The following THADA variants were observed in gnomAD, a reference collection of about 807,000 sequenced individuals.
THADA encodes tRNA (32-2'-O)-methyltransferase regulator THADA.
A neutral mutation model predicts 219.8 loss-of-function variants in THADA; 213 were observed. The ratio of observed to expected loss-of-function variants is 0.97; its 90% CI spans 0.87 to 1.09. The LOEUF (loss-of-function observed/expected upper bound fraction) is 1.09. THADA is among the 50% of genes least tolerant of loss of function. The pLI, the probability that THADA is intolerant of heterozygous loss-of-function variation, is 0.00. For synonymous variants in THADA, 1,018 were observed against 828.9 expected (o/e 1.23, Z -3.92); for missense variants, 2,956 against 2,311.3 (o/e 1.28, Z -5.72).
chr2:43,311,564 T>A (rs1387668658), intron 31 of THADA, among the ~76,000 whole-genome samples: 1 of 152,150 alleles, frequency 6.6e-6, no homozygotes, highest in Non-Finnish European at 1.5e-5. Flanking sequence ...AACTTGCCCA[T>A]GAATGCTCAT....
intron 29 of THADA, among the ~76,000 whole-genome samples, chr2:43,362,662 G>A (rs1669668057): frequency 6.6e-6 from 1 of 151,986 alleles, no homozygotes; most frequent in African/African-American, 2.4e-5. Context: ...TACGAATACT[G>A]TATACTTAGG....
chr2:43,499,174 G>T (rs1168954356), intron 24 of THADA, among the ~76,000 whole-genome samples: 1 of 152,132 alleles, frequency 6.6e-6, no homozygotes, highest in Non-Finnish European at 1.5e-5. Context: ...AAAAAAGTTT[G>T]ATCCAATGGA....
chr2:43,538,148 T>C (rs919907899), intron 21 of THADA, among the ~76,000 whole-genome samples: 3 of 152,110 alleles, frequency 2.0e-5, no homozygotes, highest in African/African-American at 7.2e-5. Context: ...GAGGAAGCTG[T>C]TTTAAAAAAT....
At chr2:43,491,905 T>A (rs1393248117) in intron 25 of THADA, 1 of 152,168 alleles carries the variant, frequency 6.6e-6, no homozygotes, top group Non-Finnish European at 1.5e-5. Context: ...GATAGGAACT[T>A]GGAATTCAAC....
chr2:43,590,561 C>A (rs776244548), intron 4 of THADA, among the ~76,000 whole-genome samples: 1 of 147,782 alleles, frequency 6.8e-6, no homozygotes, highest in African/African-American at 2.5e-5. Context: ...AGGAGAATGG[C>A]GTGAACCCGG....
chr2:43,417,037 CT>C (rs67993873), intron 28 of THADA, among the ~76,000 whole-genome samples: 19,152 of 93,826 alleles, frequency 0.2, 807 homozygotes, highest in South Asian at 0.25. Flanking sequence ...TGGCTGTTTT[CT>C]TTTTTTTTTT....
chr2:43,257,016 G>C (rs1465023986), intron 36 of THADA, among the ~76,000 whole-genome samples: 1 of 152,194 alleles, frequency 6.6e-6, no homozygotes, highest in Non-Finnish European at 1.5e-5. Flanking sequence ...CTCTCTCCAA[G>C]ATGGCAACTG....
intron 21 of THADA, among the ~76,000 whole-genome samples, chr2:43,529,490 G>T (rs970183871): frequency 1.3e-5 from 2 of 152,154 alleles, no homozygotes; most frequent in Admixed American, 1.3e-4. Flanking sequence ...GTTAACTACA[G>T]GCATGAACCA....
intron 22 of THADA, among the ~76,000 whole-genome samples, chr2:43,526,345 A>ACG (rs1553475488): frequency 3.3e-5 from 5 of 151,760 alleles, no homozygotes; most frequent in Non-Finnish European, 7.4e-5. Flanking sequence ...TTTCCAAGAC[A>ACG]CTATAATTTG....
At chr2:43,559,528 G>T (rs1697804725) in intron 16 of THADA, among the ~76,000 whole-genome samples, 1 of 152,142 alleles carries the variant, frequency 6.6e-6, no homozygotes, top group African/African-American at 2.4e-5. Context: ...CTAAGCTCCA[G>T]AACCAGTACT....
chr2:43,239,930 G>C lies in THADA; in HGVS notation c.5297-7048C>G, dbSNP rs147000174. 2.6e-3 allele frequency among the ~76,000 whole-genome samples: 391 copies of C among 152,334 alleles called. 3 individuals carry two copies. The highest frequency in any genetic ancestry group is 8.9e-3 in the African/African-American group (371 of 41,564). ...AGTATTTATTGATCACCTGTGTGTG[G>C]AGGACGCTGTGTGAAACATGAGGAA... On this transcript the variant is annotated intron_variant, in intron 36 of 37. Coordinates refer to ENST00000405975, the MANE Select transcript of THADA (RefSeq NM_022065.5).
At chr2:43,327,639 C>CA (rs1289822292) in intron 30 of THADA, among the ~76,000 whole-genome samples, 1 of 152,120 alleles carries the variant, frequency 6.6e-6, no homozygotes, top group Non-Finnish European at 1.5e-5. Flanking sequence ...TTAGGTGGCA[C>CA]AGGCACCTAT....
At chr2:43,280,248 T>C (rs1284034328) in intron 35 of THADA, among the ~76,000 whole-genome samples, 1 of 152,138 alleles carries the variant, frequency 6.6e-6, no homozygotes, top group South Asian at 2.1e-4. Context: ...TAAGACTGCT[T>C]TGGAGAAACT....
At chr2:43,461,971 C>A (rs897512733) in intron 26 of THADA, among the ~76,000 whole-genome samples, 2 of 152,066 alleles carry the variant, frequency 1.3e-5, no homozygotes, top group African/African-American at 4.8e-5. Flanking sequence ...CAAAAGGTGC[C>A]CAGAGGGAAC....
chr2:43,250,561 T>C (rs750117861), intron 36 of THADA, among the ~76,000 whole-genome samples: 8 of 152,154 alleles, frequency 5.3e-5, no homozygotes, highest in Non-Finnish European at 7.4e-5. Context: ...CTCAATAATA[T>C]ATAAACATGA....
chr2:43,327,442 A>T (rs1449498327), intron 30 of THADA, among the ~76,000 whole-genome samples: 1 of 134,978 alleles, frequency 7.4e-6, no homozygotes, highest in Non-Finnish European at 1.6e-5. Flanking sequence ...AAGGGAGAGA[A>T]GGCAGGTGAG....
In THADA at chr2:43,579,824, A is replaced by G. The variant is rs553637348; in HGVS notation, c.722-1217T>C. ...AAAACCAACCTGCTGAAGATGGCAC[A>G]GCAGAAAAGCAGAAAATGTGTGGGT... On this transcript the variant is annotated intron_variant, in intron 8 of 37. Transcript: ENST00000405975. 2.0e-5 allele frequency among the ~76,000 whole-genome samples: 3 copies of G among 152,316 alleles called. No homozygotes were observed. The South Asian group carries it at 6.2e-4, about 32-fold the overall frequency.
chr2:43,499,384 T>C (rs1265954528), intron 24 of THADA, among the ~76,000 whole-genome samples: 1 of 152,134 alleles, frequency 6.6e-6, no homozygotes, highest in East Asian at 1.9e-4. Context: ...TTTATTTTAT[T>C]TTATTTTATT....
At chr2:43,553,268 T>C (rs913863580) in intron 17 of THADA, among the ~76,000 whole-genome samples, 3 of 152,210 alleles carry the variant, frequency 2.0e-5, no homozygotes, top group Non-Finnish European at 4.4e-5. Flanking sequence ...TATATCCTTG[T>C]TATGGACTAC....
Sources: allele counts gnomAD v4.1 joint callset (sites outside exome capture counted in the v4.1 genomes callset), GRCh38; gene constraint gnomAD v4.1.1; transcripts MANE v1.5; gene names NCBI Gene and HGNC (gene_info 2026-07-23, HGNC 2026-07-21).